MAML2: variants seen among roughly 807,000 people sequenced by gnomAD.
The protein encoded by MAML2 is mastermind-like protein 2.
MAML2 carries 22 observed loss-of-function variants against 96.1 expected under a neutral mutation model. The ratio of observed to expected loss-of-function variants is 0.23; its 90% CI spans 0.16 to 0.33. MAML2 has a LOEUF of 0.33. MAML2 is among the 10% of genes least tolerant of loss of function. The pLI is 1.00. For missense variants in MAML2, 1,367 were observed against 1,392.4 expected (o/e 0.98, Z 0.29); for synonymous variants, 561 against 521.3 (o/e 1.08, Z -1.04).
At position 96,149,432 on chromosome 11, in the gene MAML2, A is replaced by AAAT. The variant is rs59453325; in HGVS notation, c.514-55916_514-55915insATT. On this transcript the variant is annotated intron_variant, in intron 1 of 4. Coordinates refer to ENST00000524717, the MANE Select transcript of MAML2 (RefSeq NM_032427.4). Reference sequence around the variant, plus strand: ...ACTCCGTCACAAAAAAAAAAAAAAAATGAGAAGTTAAGTTTTCAGCCAGGC... The same window carrying AAAT: ...ACTCCGTCACAAAAAAAAAAAAAAAAAATTGAGAAGTTAAGTTTTCAGCCAGGC... 1.2e-4 allele frequency among the ~76,000 whole-genome samples: 13 copies of AAAT among 112,584 alleles called. 3 individuals are homozygous for AAAT. The highest frequency in any genetic ancestry group is 1.7e-4 in the Non-Finnish European group (10 of 57,552). 73.9% of individuals were successfully genotyped at this position (112,584 alleles called of 152,430 possible). A position where few individuals can be genotyped will look rare whatever the true frequency, so the allele number is the denominator to read the frequency against.
At chr11:96,337,875 A>T (rs1863939244) in intron 1 of MAML2, among the ~76,000 whole-genome samples, 1 of 152,238 alleles carries the variant, frequency 6.6e-6, no homozygotes, top group Admixed American at 6.5e-5. Context: ...TCTCTCAACA[A>T]GCTGGGGCAG....
At chr11:96,174,286 G>T (rs534730058) in intron 1 of MAML2, among the ~76,000 whole-genome samples, 1 of 152,162 alleles carries the variant, frequency 6.6e-6, no homozygotes, top group African/African-American at 2.4e-5. Flanking sequence ...CTTACCAATC[G>T]CATATCCTCT....
At chr11:96,079,364 A>T (rs1385202595) in intron 2 of MAML2, among the ~76,000 whole-genome samples, 1 of 152,184 alleles carries the variant, frequency 6.6e-6, no homozygotes, top group Non-Finnish European at 1.5e-5. Flanking sequence ...CTGACATTGG[A>T]TTAAACACAT....
At position 95,978,838 on chromosome 11, in the gene MAML2, T is replaced by C. The variant is rs1857687408; in HGVS notation, c.*110A>G. On this transcript the variant is annotated 3_prime_UTR_variant, in exon 5 of 5. Transcript: ENST00000524717. ...ACTTTCTGCTTTCCATTTTTAAGCA[T>C]GTTATCTTCATGTAGTCCACCTGAA... 31 of 1,011,214 alleles carry C rather than the reference T, an allele frequency of 3.1e-5. 1 individual carries two copies. In the South Asian group the frequency reaches 5.0e-4, roughly 16 times the overall value. The allele number at this position is 1,011,214 out of a possible 1,614,324, so 62.6% of individuals were successfully genotyped here.
intron 2 of MAML2, among the ~76,000 whole-genome samples, chr11:96,014,175 T>G (rs1279401197): frequency 6.6e-6 from 1 of 152,220 alleles, no homozygotes; most frequent in African/African-American, 2.4e-5. Context: ...GAATCTTTCT[T>G]GTCTCAAAAG....
chr11:96,259,554 C>T (rs1041521724), intron 1 of MAML2, among the ~76,000 whole-genome samples: 2 of 152,220 alleles, frequency 1.3e-5, no homozygotes, highest in Non-Finnish European at 2.9e-5. Context: ...TTGCCTTTCT[C>T]CTGTGGGTAT....
At chr11:96,046,816 T>A (rs140325665) in intron 2 of MAML2, among the ~76,000 whole-genome samples, 252 of 152,320 alleles carry the variant, frequency 1.7e-3, no homozygotes, top group African/African-American at 5.3e-3. Context: ...AATCTAGGTA[T>A]CACCTCCAAA....
chr11:96,267,491 C>T (rs1016406617), intron 1 of MAML2, among the ~76,000 whole-genome samples: 1 of 152,158 alleles, frequency 6.6e-6, no homozygotes, highest in African/African-American at 2.4e-5. Context: ...CCTACAGTTC[C>T]CTCAAGGCAA....
chr11:96,026,830 A>G (rs1192990951), intron 2 of MAML2, among the ~76,000 whole-genome samples: 2 of 151,914 alleles, frequency 1.3e-5, no homozygotes, highest in Non-Finnish European at 2.9e-5. Context: ...TTAAAAAAAA[A>G]AAAAAAAGGT....
intron 1 of MAML2, among the ~76,000 whole-genome samples, chr11:96,111,747 T>G (rs1860127804): frequency 6.6e-6 from 1 of 152,230 alleles, no homozygotes; most frequent in African/African-American, 2.4e-5. Context: ...TACAAGTGTT[T>G]GATTTTCACA....
At chr11:96,099,666 G>C (rs1042622556) in intron 1 of MAML2, among the ~76,000 whole-genome samples, 6 of 152,134 alleles carry the variant, frequency 3.9e-5, no homozygotes, top group Non-Finnish European at 5.9e-5. Context: ...TATTGAGTGG[G>C]AGCAGTAAAA....
At chr11:96,265,454 C>T (rs999587323) in intron 1 of MAML2, among the ~76,000 whole-genome samples, 1 of 149,808 alleles carries the variant, frequency 6.7e-6, no homozygotes, top group Non-Finnish European at 1.5e-5. Context: ...GACAGCTCAG[C>T]AGAAATGATA....
At chr11:96,153,068 G>A (rs2135879852) in intron 1 of MAML2, among the ~76,000 whole-genome samples, 1 of 152,196 alleles carries the variant, frequency 6.6e-6, no homozygotes, top group South Asian at 2.1e-4. Flanking sequence ...TTAAGAGGAT[G>A]CTTTGGAAAT....
At chr11:96,286,176 G>C (rs1450920809) in intron 1 of MAML2, among the ~76,000 whole-genome samples, 1 of 152,198 alleles carries the variant, frequency 6.6e-6, no homozygotes, top group Non-Finnish European at 1.5e-5. Context: ...CCTTTGCCGG[G>C]ACATGGATGG....
chr11:96,335,688 T>C (rs888558471), intron 1 of MAML2, among the ~76,000 whole-genome samples: 1 of 152,206 alleles, frequency 6.6e-6, no homozygotes, highest in Non-Finnish European at 1.5e-5. Context: ...AGGATTATTA[T>C]TGCATCATAG....
intron 1 of MAML2, among the ~76,000 whole-genome samples, chr11:96,328,552 C>G (rs1025234783): frequency 3.9e-5 from 6 of 152,108 alleles, no homozygotes; most frequent in Admixed American, 3.9e-4. Flanking sequence ...ACGCCACCCC[C>G]CAAGATCGTA....
At chr11:96,288,605 T>C (rs1168719532) in intron 1 of MAML2, among the ~76,000 whole-genome samples, 1 of 149,970 alleles carries the variant, frequency 6.7e-6, no homozygotes, top group Non-Finnish European at 1.5e-5. Flanking sequence ...ACCTGTAGGA[T>C]GAAAATCAAA....
At chr11:96,131,509 T>C (rs1860549140) in intron 1 of MAML2, among the ~76,000 whole-genome samples, 1 of 152,182 alleles carries the variant, frequency 6.6e-6, no homozygotes, top group Non-Finnish European at 1.5e-5. Context: ...CAAGTGTACA[T>C]GAAACATTCT....
At chr11:96,228,411 G>T (rs532220868) in intron 1 of MAML2, among the ~76,000 whole-genome samples, 58 of 150,316 alleles carry the variant, frequency 3.9e-4, no homozygotes, top group African/African-American at 1.3e-3. Context: ...GGTCAGAAGA[G>T]AAATGAAGTC....
Sources: allele counts gnomAD v4.1 joint callset (sites outside exome capture counted in the v4.1 genomes callset), GRCh38; gene constraint gnomAD v4.1.1; transcripts MANE v1.5; gene names NCBI Gene and HGNC (gene_info 2026-07-23, HGNC 2026-07-21).